Variants in NEGR1 observed in about 807,000 individuals in gnomAD.
The protein encoded by NEGR1 is neuronal growth regulator 1, also known as IgLON family member 4.
In NEGR1, 10 loss-of-function variants were observed where a neutral mutation model predicts 40.9. That is an observed-to-expected ratio of 0.24 (90% CI 0.15 to 0.42). The LOEUF is 0.42. NEGR1 is among the 10% of genes least tolerant of loss of function. NEGR1 has a pLI of 1.00. For synonymous variants in NEGR1, 185 were observed against 166.8 expected (o/e 1.11, Z -0.84); for missense variants, 352 against 438.9 (o/e 0.80, Z 1.77).
intron 1 of NEGR1, among the ~76,000 whole-genome samples, chr1:72,104,591 T>C (rs998492406): frequency 1.3e-5 from 2 of 152,134 alleles, no homozygotes; most frequent in East Asian, 3.9e-4. Flanking sequence ...ATAACTAGTT[T>C]TTATTTTAAA....
At chr1:71,874,025 T>G (rs1243142365) in intron 2 of NEGR1, among the ~76,000 whole-genome samples, 1 of 152,166 alleles carries the variant, frequency 6.6e-6, no homozygotes, top group African/African-American at 2.4e-5. Flanking sequence ...GATTTGCTAT[T>G]TTCTACAAAC....
chr1:71,916,555 C>A (rs1661589886), intron 2 of NEGR1, among the ~76,000 whole-genome samples: 2 of 152,032 alleles, frequency 1.3e-5, no homozygotes, highest in South Asian at 4.1e-4. Flanking sequence ...GACTTTGAGA[C>A]CAGCCTGGCC....
At chr1:71,604,122 C>T (rs1205849721) in intron 5 of NEGR1, among the ~76,000 whole-genome samples, 1 of 152,064 alleles carries the variant, frequency 6.6e-6, no homozygotes, top group East Asian at 1.9e-4. Flanking sequence ...ATTTTTGAAG[C>T]AGTAGAGTAG....
intron 3 of NEGR1, among the ~76,000 whole-genome samples, chr1:71,764,086 A>T (rs772048354): frequency 1.3e-5 from 2 of 152,266 alleles, no homozygotes; most frequent in Non-Finnish European, 2.9e-5. Flanking sequence ...AGTTAATTCC[A>T]TACAAGTGGT....
intron 1 of NEGR1, among the ~76,000 whole-genome samples, chr1:72,015,219 A>T (rs1269905219): frequency 2.0e-5 from 3 of 152,286 alleles, no homozygotes; most frequent in East Asian, 3.9e-4. Context: ...TAGAAGAAAC[A>T]TACTGAATGA....
At chr1:71,572,773 T>A (rs1648847469) in intron 6 of NEGR1, among the ~76,000 whole-genome samples, 1 of 152,228 alleles carries the variant, frequency 6.6e-6, no homozygotes, top group African/African-American at 2.4e-5. Context: ...ATTTCACATA[T>A]CATTGTGCTA....
At chr1:71,763,305 C>A (rs1468410064) in intron 3 of NEGR1, among the ~76,000 whole-genome samples, 1 of 152,086 alleles carries the variant, frequency 6.6e-6, no homozygotes, top group African/African-American at 2.4e-5. Flanking sequence ...GAATTAACTC[C>A]CTGAACAGTA....
intron 1 of NEGR1, among the ~76,000 whole-genome samples, chr1:71,942,713 G>A (rs1249686537): frequency 7.1e-5 from 10 of 141,066 alleles, no homozygotes; most frequent in South Asian, 2.3e-4. Flanking sequence ...CGTTTTAGCC[G>A]GGATGGTCTC....
rs202141514 is a variant in NEGR1 at position 72,255,553 on chromosome 1, T to TTTC, written c.176+26765_176+26766insGAA. Among the ~76,000 whole-genome samples, 86 of 140,738 alleles carry TTTC rather than the reference T, an allele frequency of 6.1e-4. 1 individual carries two copies. Among genetic ancestry groups the TTTC allele is most frequent in the African/African-American group, 1.1e-3 (43 of 39,186 alleles). 92.3% of individuals were successfully genotyped at this position (140,738 alleles called of 152,430 possible). A position where few individuals can be genotyped will look rare whatever the true frequency, so the allele number is the denominator to read the frequency against. On this transcript the variant is annotated intron_variant, in intron 1 of 6. Transcript: ENST00000357731. ...TGGTTTATCAAAAATACTTCTTTTT[T>TTTC]TTTTTTTTTTTTTGAGATGGAGTCT...
Position 71,837,460 on chromosome 1 carries a change from T to C in NEGR1, c.410-61163A>G, listed in dbSNP as rs530841731. ...TGAACACTGACATGGTATTTCTCTTTAGACTTTTTTTGTTGCCGTTAAAAT... is the reference window on the plus strand; with the variant it reads ...TGAACACTGACATGGTATTTCTCTTCAGACTTTTTTTGTTGCCGTTAAAAT... On this transcript the variant is annotated intron_variant, in intron 2 of 6. Transcript: ENST00000357731. Among the ~76,000 whole-genome samples the C allele has an allele frequency of 7.2e-5, 11 of 152,210 alleles. No homozygotes were observed. The East Asian group carries it at 1.9e-3, about 27-fold the overall frequency.
chr1:72,236,282 A>G (rs1194271), intron 1 of NEGR1, among the ~76,000 whole-genome samples: 67,219 of 151,704 alleles, frequency 0.44, 15,284 homozygotes, highest in Non-Finnish European at 0.48. Context: ...GGGACTTTTG[A>G]GGGGTGGGGA....
At chr1:72,060,785 A>C (rs932372391) in intron 1 of NEGR1, among the ~76,000 whole-genome samples, 2 of 151,684 alleles carry the variant, frequency 1.3e-5, no homozygotes, top group Admixed American at 6.6e-5. Flanking sequence ...ATTATGTTCC[A>C]TTCTGTAAAC....
At chr1:72,267,443 T>C (rs1655685391) in intron 1 of NEGR1, among the ~76,000 whole-genome samples, 1 of 151,250 alleles carries the variant, frequency 6.6e-6, no homozygotes, top group Non-Finnish European at 1.5e-5. Context: ...ACTAAAATTA[T>C]ATACATTGTG....
intron 2 of NEGR1, among the ~76,000 whole-genome samples, chr1:71,777,569 C>A (rs1360430138): frequency 1.3e-5 from 2 of 151,940 alleles, no homozygotes; most frequent in African/African-American, 2.4e-5. Flanking sequence ...AGCAATTACA[C>A]CCCTTGGTAA....
intron 6 of NEGR1, among the ~76,000 whole-genome samples, chr1:71,471,698 G>A (rs1305541007): frequency 6.6e-6 from 1 of 151,940 alleles, no homozygotes; most frequent in Non-Finnish European, 1.5e-5. Context: ...AATGTTAGGT[G>A]CTCAATAAAA....
intron 1 of NEGR1, among the ~76,000 whole-genome samples, chr1:71,998,736 T>A (rs1646527989): frequency 6.6e-6 from 1 of 151,282 alleles, no homozygotes; most frequent in Non-Finnish European, 1.5e-5. Context: ...TTAATTCTTT[T>A]ATACATAAGT....
chr1:71,905,435 T>A (rs916940047), intron 2 of NEGR1, among the ~76,000 whole-genome samples: 3 of 152,058 alleles, frequency 2.0e-5, no homozygotes, highest in African/African-American at 7.2e-5. Context: ...TTATTTACAT[T>A]TATATTCTAT....
intron 6 of NEGR1, among the ~76,000 whole-genome samples, chr1:71,554,679 T>C (rs1183546857): frequency 6.6e-6 from 1 of 151,522 alleles, no homozygotes; most frequent in Non-Finnish European, 1.5e-5. Flanking sequence ...TTTTTCCTGG[T>C]GGAAAAATTT....
At chr1:71,446,062 C>T (rs554865747) in intron 6 of NEGR1, among the ~76,000 whole-genome samples, 114 of 152,272 alleles carry the variant, frequency 7.5e-4, no homozygotes, top group Admixed American at 1.2e-3. Flanking sequence ...ATAGTGAAGA[C>T]ATCTCAGAAT....
Sources: allele counts gnomAD v4.1 joint callset (sites outside exome capture counted in the v4.1 genomes callset), GRCh38; gene constraint gnomAD v4.1.1; transcripts MANE v1.5; gene names NCBI Gene and HGNC (gene_info 2026-07-23, HGNC 2026-07-21).